Variants in WDFY2 observed in about 807,000 individuals in gnomAD.
The protein encoded by WDFY2 is WD repeat and FYVE domain-containing protein 2.
Under a neutral mutation model 56.4 loss-of-function variants are expected in WDFY2, and 36 were observed. The ratio of observed to expected loss-of-function variants is 0.64; its 90% CI spans 0.49 to 0.84. The LOEUF is 0.84. Among genes scored for constraint, WDFY2 ranks in the 40% least tolerant of loss-of-function variants. The pLI, the probability that WDFY2 is intolerant of heterozygous loss-of-function variation, is 0.00. For missense variants in WDFY2, 444 were observed against 512.2 expected, an observed-to-expected ratio of 0.87 and a Z score of 1.29; for synonymous variants, 176 against 183.7, an observed-to-expected ratio of 0.96 and a Z score of 0.34.
At chr13:51,592,867 A>G (rs1246397402) in intron 1 of WDFY2, among the ~76,000 whole-genome samples, 1 of 152,192 alleles carries the variant, frequency 6.6e-6, no homozygotes, top group Admixed American at 6.5e-5. Flanking sequence ...CACACCTATA[A>G]TCTCAGCACT....
At position 51,764,449 on chromosome 13, in the gene WDFY2, TAAAC is replaced by T. The variant is rs899161424; in HGVS notation, c.*4688_*4691del. 1.3e-5 allele frequency: 2 copies of T among 153,020 alleles called. No homozygotes were observed. The highest frequency in any genetic ancestry group is 1.3e-4 in the Admixed American group (2 of 15,276). 9.5% of individuals were successfully genotyped at this position (153,020 alleles called of 1,614,324 possible). A position where few individuals can be genotyped will look rare whatever the true frequency, so the allele number is the denominator to read the frequency against. On this transcript the variant is annotated 3_prime_UTR_variant, in exon 12 of 12. Coordinates refer to ENST00000298125, the MANE Select transcript of WDFY2 (RefSeq NM_052950.4). ...GACTTTCCAGGCTTCAGAAACAGCATAAACAAACAAAGGCCTGAGAGCTGGAGTC... is the reference window on the plus strand; with the variant it reads ...GACTTTCCAGGCTTCAGAAACAGCATAAACAAAGGCCTGAGAGCTGGAGTC...
chr13:51,644,723 A>AG (rs1343836743), intron 1 of WDFY2, among the ~76,000 whole-genome samples: 1 of 152,200 alleles, frequency 6.6e-6, no homozygotes, highest in African/African-American at 2.4e-5. Context: ...GGAAAAAAAA[A>AG]GTCCAGGTGT....
chr13:51,648,117 A>G (rs1401980859), intron 1 of WDFY2, among the ~76,000 whole-genome samples: 3 of 152,186 alleles, frequency 2.0e-5, no homozygotes, highest in Admixed American at 6.5e-5. Context: ...TAACTGAGGC[A>G]GGCACTGAAT....
chr13:51,759,701 A>G, intron 11 of WDFY2, 39 bp from the exon 12 acceptor site: 1 of 1,612,058 alleles, frequency 6.2e-7, no homozygotes, highest in Non-Finnish European at 8.5e-7. Context: ...TCCTCAACAC[A>G]ATTTTAGTTC....
At chr13:51,637,463 AG>A (rs1955074958) in intron 1 of WDFY2, among the ~76,000 whole-genome samples, 1 of 150,852 alleles carries the variant, frequency 6.6e-6, no homozygotes, top group African/African-American at 2.4e-5. Context: ...CTACCCTTTT[AG>A]TTGTTTTTGT....
chr13:51,608,780 T>C (rs1954433004), intron 1 of WDFY2, among the ~76,000 whole-genome samples: 1 of 152,226 alleles, frequency 6.6e-6, no homozygotes, highest in African/African-American at 2.4e-5. Flanking sequence ...ACTTGCTTAT[T>C]TAATTAAATA....
Position 51,584,488 on chromosome 13 carries a change from T to G in WDFY2, c.-200T>G. ...TAGTGGCGCCGGCTTGCATCCCAGG[T>G]CGTGGCGGTTTTGGTGCCTGAAGCA... On this transcript the variant is annotated 5_prime_UTR_variant, in exon 1 of 12. Coordinates refer to ENST00000298125, the MANE Select transcript of WDFY2 (RefSeq NM_052950.4). 1.5e-6 allele frequency: 1 copy of G among 649,578 alleles called. No homozygotes were observed. Among genetic ancestry groups the G allele is most frequent in the Non-Finnish European group, 2.5e-6 (1 of 406,714 alleles). The allele number at this position is 649,578 out of a possible 1,614,324, so 40.2% of individuals were successfully genotyped here.
intron 1 of WDFY2, among the ~76,000 whole-genome samples, chr13:51,624,895 G>A (rs965687371): frequency 4.3e-4 from 65 of 152,200 alleles, no homozygotes; most frequent in Non-Finnish European, 5.9e-5. Flanking sequence ...GGGAGGAAGT[G>A]AGAGAAAGGA....
chr13:51,659,110 A>G (rs1955565379), intron 1 of WDFY2, among the ~76,000 whole-genome samples: 1 of 151,984 alleles, frequency 6.6e-6, no homozygotes, highest in Non-Finnish European at 1.5e-5. Flanking sequence ...TATTTTTAGT[A>G]GAGACGGGGT....
rs765511695 is a variant in WDFY2 at position 51,584,849 on chromosome 13, C to G, written c.137+25C>G. 6.2e-6 allele frequency: 10 copies of G among 1,611,056 alleles called. No individual in the cohort carries two copies. The East Asian group carries it at 2.2e-4, about 36-fold the overall frequency. ...GGTATGGACTACTGCCATTCGGCCGCGAGGAGGGGCGGGACGGGCCGACGG... is the reference window on the plus strand; with the variant it reads ...GGTATGGACTACTGCCATTCGGCCGGGAGGAGGGGCGGGACGGGCCGACGG... On this transcript the variant is annotated intron_variant, in intron 1 of 11. Coordinates refer to ENST00000298125, the MANE Select transcript of WDFY2 (RefSeq NM_052950.4).
intron 4 of WDFY2, among the ~76,000 whole-genome samples, chr13:51,714,405 C>T (rs542587683): frequency 6.6e-6 from 1 of 152,092 alleles, no homozygotes; most frequent in Non-Finnish European, 1.5e-5. Context: ...GATTCTCCTG[C>T]CTCAGCCTCC....
In WDFY2 at chr13:51,767,392, TGTG is replaced by T. The variant is rs1030227596; in HGVS notation, c.*7626_*7628del. The T allele has an allele frequency of 2.0e-5, 3 of 152,240 alleles. No homozygotes were observed. Among genetic ancestry groups the T allele is most frequent in the Non-Finnish European group, 4.4e-5 (3 of 68,034 alleles). 9.4% of individuals were successfully genotyped at this position (152,240 alleles called of 1,614,324 possible). A position where few individuals can be genotyped will look rare whatever the true frequency, so the allele number is the denominator to read the frequency against. On this transcript the variant is annotated 3_prime_UTR_variant, in exon 12 of 12. Transcript: ENST00000298125. Reference sequence around the variant, plus strand: ...GGCACACCCAGAAAAATCCCTTCCTTGTGGTCCTTGGCTGATGATGAGCCCTGG... The same window carrying T: ...GGCACACCCAGAAAAATCCCTTCCTTGTCCTTGGCTGATGATGAGCCCTGG...
chr13:51,674,000 A>G (rs1955846630), intron 2 of WDFY2, among the ~76,000 whole-genome samples: 1 of 152,156 alleles, frequency 6.6e-6, no homozygotes, highest in African/African-American at 2.4e-5. Context: ...AAAATATGTT[A>G]CTAAGTGATA....
At chr13:51,603,489 G>A (rs1020945734) in intron 1 of WDFY2, among the ~76,000 whole-genome samples, 4 of 152,138 alleles carry the variant, frequency 2.6e-5, no homozygotes, top group African/African-American at 9.7e-5. Context: ...GACTTCTCAT[G>A]TTCTGTATAC....
intron 4 of WDFY2, among the ~76,000 whole-genome samples, chr13:51,716,218 G>A (rs1401148548): frequency 1.3e-5 from 2 of 152,144 alleles, no homozygotes; most frequent in Non-Finnish European, 2.9e-5. Context: ...CCGAGGATGA[G>A]GGAAGTGGGA....
chr13:51,695,000 A>G (rs1951834073), intron 3 of WDFY2, among the ~76,000 whole-genome samples: 1 of 151,996 alleles, frequency 6.6e-6, no homozygotes, highest in African/African-American at 2.4e-5. Context: ...TGCATTCTTC[A>G]CGTAGTTCTC....
chr13:51,650,890 C>G (rs932836996), intron 1 of WDFY2, among the ~76,000 whole-genome samples: 2 of 152,094 alleles, frequency 1.3e-5, no homozygotes, highest in African/African-American at 4.8e-5. Flanking sequence ...TTTGTTGTGT[C>G]TCTGCCAGGC....
chr13:51,667,531 T>G (rs1431072349), intron 2 of WDFY2, among the ~76,000 whole-genome samples: 3 of 152,214 alleles, frequency 2.0e-5, no homozygotes, highest in East Asian at 3.8e-4. Flanking sequence ...TAGAATGATA[T>G]TTCCAATTAT....
intron 2 of WDFY2, among the ~76,000 whole-genome samples, chr13:51,673,672 T>G (rs1033620558): frequency 6.6e-6 from 1 of 152,208 alleles, no homozygotes; most frequent in Non-Finnish European, 1.5e-5. Context: ...TATGGGATTA[T>G]GAGACCCGGC....
Sources: gnomAD v4.1 joint callset for allele counts (sites outside exome capture counted in the v4.1 genomes callset) on GRCh38, gnomAD v4.1.1 for gene constraint, MANE v1.5 for transcripts, NCBI Gene and HGNC (gene_info 2026-07-23, HGNC 2026-07-21) for gene names.